SEMA5B: variants seen among roughly 807,000 people sequenced by gnomAD.
The protein encoded by SEMA5B is semaphorin-5B.
In SEMA5B, 66 loss-of-function variants were observed where a neutral mutation model predicts 135.0. That is an observed-to-expected ratio of 0.49 (90% CI 0.40 to 0.60). SEMA5B has a LOEUF of 0.60. Ranked by LOEUF, SEMA5B falls within the 20% of genes least tolerant of loss-of-function variation. The pLI is 0.00. For synonymous variants in SEMA5B, 690 were observed against 639.5 expected (o/e 1.08, Z -1.19); for missense variants, 1,501 against 1,566.3 (o/e 0.96, Z 0.70).
intron 1 of SEMA5B, among the ~76,000 whole-genome samples, chr3:122,992,336 G>A (rs1371666327): frequency 1.3e-5 from 2 of 152,188 alleles, no homozygotes; most frequent in African/African-American, 4.8e-5. Flanking sequence ...ATGACAGCGT[G>A]GGAGGAGGGA....
Position 122,943,529 on chromosome 3 carries a change from T to C in SEMA5B, c.335A>G (p.Gln112Arg), listed in dbSNP as rs1197967260. Residue 112 changes from glutamine (Q) to arginine (R), a missense_variant, in exon 4 of 23, where the codon CAG becomes CGG. Transcript: ENST00000357599. ...KHPTVAFEDLQPWVSNFTYPG... is the reference protein window; with the variant it reads ...KHPTVAFEDLRPWVSNFTYPG... ...GTAGGTGAAGTTAGAGACCCACGGC[T>C]GCAGGTCTGGTGGAGGGAGAGGCAA... The C allele has an allele frequency of 6.2e-7, 1 of 1,606,584 alleles. No individual in the cohort carries two copies. Among genetic ancestry groups the C allele is most frequent in the Admixed American group, 1.7e-5 (1 of 58,836 alleles).
At chr3:122,983,944 AGAG>A (rs1941615773) in intron 1 of SEMA5B, among the ~76,000 whole-genome samples, 1 of 152,030 alleles carries the variant, frequency 6.6e-6, no homozygotes, top group Non-Finnish European at 1.5e-5. Context: ...GGTAGGGAAA[AGAG>A]GAGGAAGGAG....
chr3:122,966,415 T>C (rs1940821000), intron 1 of SEMA5B, among the ~76,000 whole-genome samples: 2 of 152,122 alleles, frequency 1.3e-5, no homozygotes, highest in African/African-American at 4.8e-5. Flanking sequence ...CTGCCTGAAA[T>C]TGTACTATCA....
At position 122,948,723 on chromosome 3, in the gene SEMA5B, A is replaced by G; in HGVS notation, c.125-14T>C. On this transcript the variant is annotated splice_polypyrimidine_tract_variant and intron_variant, in intron 2 of 22. Transcript: ENST00000357599. ...AGGGGAGAAGACCTGCAACGTAAAC[A>G]CTCAGTCTCACCAAGCGCTCCCTCC... 2 of 1,570,380 alleles carry G rather than the reference A, an allele frequency of 1.3e-6. No homozygotes were observed. The highest frequency in any genetic ancestry group is 1.7e-6 in the Non-Finnish European group (2 of 1,150,380).
chr3:122,937,583 C>T (rs1407821768), intron 5 of SEMA5B, among the ~76,000 whole-genome samples: 1 of 152,194 alleles, frequency 6.6e-6, no homozygotes, highest in Non-Finnish European at 1.5e-5. Context: ...TCAACCAGTT[C>T]CTGGTGCTTT....
intron 3 of SEMA5B, among the ~76,000 whole-genome samples, chr3:122,946,457 C>T (rs1235669579): frequency 2.6e-5 from 4 of 152,160 alleles, no homozygotes; most frequent in African/African-American, 9.6e-5. Flanking sequence ...GGAAGTGTAA[C>T]ATCCTAGGGG....
intron 8 of SEMA5B, 76 bp downstream of exon 8, chr3:122,927,714 T>G: frequency 1.8e-6 from 2 of 1,114,050 alleles, no homozygotes; most frequent in Non-Finnish European, 2.4e-6. Flanking sequence ...GGAAGGAGGA[T>G]GAATGGGGGG....
chr3:122,913,148 A>G, intron 17 of SEMA5B, 51 bp downstream of exon 17: 1 of 1,457,544 alleles, frequency 6.9e-7, no homozygotes, highest in Non-Finnish European at 9.0e-7. Flanking sequence ...CCCCGCCCTC[A>G]CCGCTCCGGG....
intron 1 of SEMA5B, among the ~76,000 whole-genome samples, chr3:123,022,226 G>C (rs6803760): frequency 0.28 from 41,998 of 152,100 alleles, 11,295 homozygotes; most frequent in African/African-American, 0.71. Context: ...ACTGAAACCT[G>C]TAATTTGATC....
At chr3:122,928,374 C>G in intron 7 of SEMA5B, 143 bp downstream of exon 7, 1 of 611,288 alleles carries the variant, frequency 1.6e-6, no homozygotes, top group South Asian at 2.1e-5. Flanking sequence ...TATCTGAACT[C>G]CAAATCTAAC....
chr3:122,958,428 G>A (rs1431264226), intron 2 of SEMA5B: 2 of 152,264 alleles, frequency 1.3e-5, no homozygotes, highest in Non-Finnish European at 2.9e-5. Flanking sequence ...GGAAGGGAAA[G>A]CATTGTGGGG....
intron 1 of SEMA5B, among the ~76,000 whole-genome samples, chr3:122,982,091 C>T (rs1941537912): frequency 6.6e-6 from 1 of 152,220 alleles, no homozygotes; most frequent in Non-Finnish European, 1.5e-5. Context: ...CAGAGACCCA[C>T]ACTCCTTTTA....
At chr3:122,926,740 G>A (rs757207145) in intron 8 of SEMA5B, 63 bp from the exon 9 acceptor site, 203 of 1,568,262 alleles carry the variant, frequency 1.3e-4, no homozygotes, top group Non-Finnish European at 1.7e-4. Context: ...TGGCAGAGTC[G>A]GGAGGACTCA....
chr3:122,926,776 A>C, intron 8 of SEMA5B, 99 bp from the exon 9 acceptor site: 1 of 1,315,212 alleles, frequency 7.6e-7, no homozygotes. Context: ...CCAGATGGGC[A>C]TCCTGACATC....
chr3:122,941,195 C>G (rs931817884), intron 4 of SEMA5B, among the ~76,000 whole-genome samples: 4 of 152,158 alleles, frequency 2.6e-5, no homozygotes, highest in African/African-American at 7.2e-5. Context: ...GGAAAATGAG[C>G]TGGAGACAGG....
intron 1 of SEMA5B, among the ~76,000 whole-genome samples, chr3:123,019,952 G>T (rs1044615445): frequency 6.6e-6 from 1 of 152,218 alleles, no homozygotes; most frequent in South Asian, 2.1e-4. Context: ...CAGTCAGCGC[G>T]AAGCCTCAGA....
intron 2 of SEMA5B, among the ~76,000 whole-genome samples, chr3:122,952,839 A>AG (rs1335317523): frequency 6.6e-5 from 10 of 152,172 alleles, no homozygotes; most frequent in Non-Finnish European, 1.5e-4. Flanking sequence ...GCACAGCTGC[A>AG]TCCCTCAACA....
chr3:122,911,853 A>C, intron 20 of SEMA5B, 67 bp downstream of exon 20: 1 of 1,500,700 alleles, frequency 6.7e-7, no homozygotes, highest in Non-Finnish European at 9.0e-7. Flanking sequence ...CAAGCTTCAG[A>C]AGGAGAAGGA....
At chr3:122,943,943 C>T (rs1939675706) in intron 3 of SEMA5B, among the ~76,000 whole-genome samples, 1 of 152,180 alleles carries the variant, frequency 6.6e-6, no homozygotes, top group South Asian at 2.1e-4. Context: ...TTGTCTGGAG[C>T]AGTGCCAACA....
Sources: allele counts gnomAD v4.1 joint callset (sites outside exome capture counted in the v4.1 genomes callset), GRCh38; gene constraint gnomAD v4.1.1; transcripts MANE v1.5; gene names NCBI Gene and HGNC (gene_info 2026-07-23, HGNC 2026-07-21).